Variants in RINT1 observed in about 807,000 individuals in gnomAD.
RINT1 encodes the protein RAD50 interactor 1, also known as RAD50-interacting protein 1.
RINT1 carries 75 observed loss-of-function variants against 97.7 expected under a neutral mutation model. The ratio of observed to expected loss-of-function variants is 0.77; its 90% CI spans 0.64 to 0.93. The LOEUF is 0.93. Ranked by LOEUF, RINT1 falls within the 40% of genes least tolerant of loss-of-function variation. The pLI is 0.00. For synonymous variants in RINT1, 303 were observed against 326.3 expected (o/e 0.93, Z 0.77); for missense variants, 892 against 925.2 (o/e 0.96, Z 0.47).
At position 105,547,218 on chromosome 7, in the gene RINT1, C is replaced by T. The variant is rs2133387546; in HGVS notation, c.724C>T (p.Pro242Ser). 1 of 1,614,142 alleles carries T rather than the reference C, an allele frequency of 6.2e-7. No homozygotes were observed. Among genetic ancestry groups the T allele is most frequent in the South Asian group, 1.1e-5 (1 of 91,086 alleles). The change falls in exon 6 of 15, where the codon CCA becomes TCA. Residue 242 changes from proline to serine, a missense_variant. Transcript: ENST00000257700. ...FEEILAQLHWPFIAPPQSQTV... is the reference protein window; with the variant it reads ...FEEILAQLHWSFIAPPQSQTV... Reference sequence around the variant, plus strand: ...GGAAATTTTAGCACAGCTTCATTGGCCATTCATCGCACCCCCTCAATCACA... The same window carrying T: ...GGAAATTTTAGCACAGCTTCATTGGTCATTCATCGCACCCCCTCAATCACA...
intron 11 of RINT1, among the ~76,000 whole-genome samples, chr7:105,560,985 G>T (rs1057409366): frequency 6.6e-6 from 1 of 151,954 alleles, no homozygotes; most frequent in Non-Finnish European, 1.5e-5. Flanking sequence ...CTCCCAAAGT[G>T]CTGGGTTTAC....
intron 11 of RINT1, among the ~76,000 whole-genome samples, chr7:105,560,187 G>A (rs1791378055): frequency 1.3e-5 from 2 of 152,212 alleles, no homozygotes; most frequent in Admixed American, 1.3e-4. Context: ...CTCAAAAGAA[G>A]AGTGCTGCTT....
chr7:105,549,431 C>T (rs1419381771), intron 7 of RINT1, among the ~76,000 whole-genome samples: 1 of 152,002 alleles, frequency 6.6e-6, no homozygotes, highest in East Asian at 1.9e-4. Flanking sequence ...TCACTGCAAC[C>T]TCTGCCTCCC....
At chr7:105,550,569 T>A (rs1790886184) in intron 9 of RINT1, 83 bp downstream of exon 9, 1 of 1,010,406 alleles carries the variant, frequency 9.9e-7, no homozygotes, top group Non-Finnish European at 1.5e-6. Flanking sequence ...TCTCCAGTTC[T>A]AAATAGGAAC....
At chr7:105,562,153 A>G (rs190092335) in intron 11 of RINT1, among the ~76,000 whole-genome samples, 2 of 152,284 alleles carry the variant, frequency 1.3e-5, no homozygotes, top group African/African-American at 2.4e-5. Flanking sequence ...GGTTAACAAT[A>G]TATCTTGAGA....
At chr7:105,558,086 G>C (rs181879868) in intron 11 of RINT1, among the ~76,000 whole-genome samples, 134 of 152,206 alleles carry the variant, frequency 8.8e-4, no homozygotes, top group African/African-American at 3.2e-3. Flanking sequence ...AGGCCAAGGT[G>C]TGTGGATCAC....
intron 11 of RINT1, among the ~76,000 whole-genome samples, chr7:105,557,200 A>G (rs1791217397): frequency 6.6e-6 from 1 of 152,072 alleles, no homozygotes; most frequent in Admixed American, 6.6e-5. Flanking sequence ...AATATAAAAT[A>G]TATAATTGTG....
intron 7 of RINT1, 70 bp downstream of exon 7, chr7:105,548,780 G>A: frequency 7.0e-7 from 1 of 1,421,088 alleles, no homozygotes; most frequent in Non-Finnish European, 9.6e-7. Context: ...ACCTTTGCTG[G>A]TTTAAGTTAA....
chr7:105,539,355 C>CTTTTTTTT (rs56362601), intron 3 of RINT1, among the ~76,000 whole-genome samples: 21 of 131,616 alleles, frequency 1.6e-4, no homozygotes, highest in African/African-American at 2.3e-4. Context: ...CTTTCCCACT[C>CTTTTTTTT]TTTTTTTTTT....
chr7:105,537,204 C>T (rs890591756), intron 3 of RINT1, among the ~76,000 whole-genome samples: 3 of 147,276 alleles, frequency 2.0e-5, no homozygotes, highest in African/African-American at 7.6e-5. Flanking sequence ...CATCTTGGCT[C>T]ACTGCAACCT....
chr7:105,550,217 G>T, intron 8 of RINT1, 44 bp from the exon 9 acceptor site: 1 of 1,606,364 alleles, frequency 6.2e-7, no homozygotes, highest in Non-Finnish European at 8.5e-7. Flanking sequence ...TGTGTGCATG[G>T]ATAACTTTTT....
chr7:105,554,045 C>G (rs1482638997), intron 10 of RINT1, among the ~76,000 whole-genome samples: 1 of 151,746 alleles, frequency 6.6e-6, no homozygotes, highest in Non-Finnish European at 1.5e-5. Flanking sequence ...ACTACAGGCA[C>G]CCGCCACCAC....
chr7:105,541,897 G>A (rs1790473321), intron 3 of RINT1: 4 of 152,788 alleles, frequency 2.6e-5, no homozygotes, highest in Admixed American at 6.5e-5. Context: ...GTATATGTAT[G>A]TATGCATATA....
At chr7:105,565,120 T>TA in intron 12 of RINT1, 157 bp from the exon 13 acceptor site, 1 of 533,304 alleles carries the variant, frequency 1.9e-6, no homozygotes, top group Non-Finnish European at 3.2e-6. Flanking sequence ...TAAATACAGG[T>TA]ACATTTATTT....
chr7:105,541,903 A>G (rs1373674013), intron 3 of RINT1: 1 of 152,840 alleles, frequency 6.5e-6, no homozygotes, highest in Non-Finnish European at 1.5e-5. Context: ...GTATGTATGC[A>G]TATATTTTTT....
chr7:105,543,260 A>C (rs76434708), intron 4 of RINT1, among the ~76,000 whole-genome samples: 2,744 of 152,290 alleles, frequency 0.018, 89 homozygotes, highest in African/African-American at 0.062. Context: ...CAAATTAATA[A>C]AACACAAAGT....
chr7:105,553,171 AT>A (rs566015652), intron 10 of RINT1, among the ~76,000 whole-genome samples: 3 of 148,910 alleles, frequency 2.0e-5, no homozygotes, highest in Non-Finnish European at 4.5e-5. Context: ...TTACTCCTCA[AT>A]TTTTTTTTTC....
At chr7:105,549,331 G>A (rs962390972) in intron 7 of RINT1, among the ~76,000 whole-genome samples, 1 of 151,662 alleles carries the variant, frequency 6.6e-6, no homozygotes, top group African/African-American at 2.4e-5. Flanking sequence ...GACATGCGTA[G>A]TTTTTGTAAT....
chr7:105,565,610 T>A lies in RINT1; in HGVS notation c.2148T>A (p.Phe716Leu). ...FDMTRNLFPLFSHYCKRPENY... is the reference protein window; with the variant it reads ...FDMTRNLFPLLSHYCKRPENY... ...TGACTCGGAATCTTTTCCCTTTGTTTTCTCACTATTGCAAGAGACCAGAAA... is the reference window on the plus strand; with the variant it reads ...TGACTCGGAATCTTTTCCCTTTGTTATCTCACTATTGCAAGAGACCAGAAA... Residue 716 changes from phenylalanine to leucine, a missense_variant, in exon 14 of 15, where the codon TTT becomes TTA. Phe to Leu is a conservative substitution (Grantham distance 22). Coordinates refer to ENST00000257700, the MANE Select transcript of RINT1 (RefSeq NM_021930.6). 1 of 1,613,564 alleles carries A rather than the reference T, an allele frequency of 6.2e-7. No individual in the cohort carries two copies. Among genetic ancestry groups the A allele is most frequent in the Non-Finnish European group, 8.5e-7 (1 of 1,179,618 alleles).
Sources: gnomAD v4.1 joint callset for allele counts (sites outside exome capture counted in the v4.1 genomes callset) on GRCh38, gnomAD v4.1.1 for gene constraint, MANE v1.5 for transcripts, NCBI Gene and HGNC (gene_info 2026-07-23, HGNC 2026-07-21) for gene names.